The following LIPH variants were observed in gnomAD, a reference collection of about 807,000 sequenced individuals.
The protein encoded by LIPH is lipase member H.
LIPH carries 32 observed loss-of-function variants against 47.6 expected under a neutral mutation model. The observed-to-expected ratio is 0.67, with a 90% CI of 0.51 to 0.90. LIPH has a LOEUF of 0.90. Ranked by LOEUF, LIPH falls within the 40% of genes least tolerant of loss-of-function variation. LIPH has a pLI of 0.00. For missense variants in LIPH, 497 were observed against 541.4 expected, an observed-to-expected ratio of 0.92 and a Z score of 0.81; for synonymous variants, 190 against 195.6, an observed-to-expected ratio of 0.97 and a Z score of 0.24.
chr3:185,548,935 C>T (rs1720969276), intron 1 of LIPH, among the ~76,000 whole-genome samples: 1 of 151,884 alleles, frequency 6.6e-6, no homozygotes, highest in Non-Finnish European at 1.5e-5. Flanking sequence ...AGTTCAAGAC[C>T]AGCCTGGCCA....
intron 3 of LIPH, among the ~76,000 whole-genome samples, chr3:185,529,978 G>GAAAGAA (rs796497732): frequency 0.023 from 2,241 of 98,642 alleles, 82 homozygotes; most frequent in Middle Eastern, 0.03. Context: ...AAGAAAGAAA[G>GAAAGAA]AGAGAGAGAG....
intron 4 of LIPH, among the ~76,000 whole-genome samples, chr3:185,525,538 G>A (rs911487153): frequency 6.6e-6 from 1 of 151,900 alleles, no homozygotes; most frequent in Admixed American, 6.6e-5. Flanking sequence ...AGCACTTTGG[G>A]AGGCCAAGGC....
chr3:185,534,633 T>C (rs1213475423), intron 2 of LIPH, 132 bp downstream of exon 2: 2 of 850,242 alleles, frequency 2.4e-6, no homozygotes, highest in Admixed American at 2.1e-5. Flanking sequence ...CCACCTTCCC[T>C]GGGGCTTATT....
At chr3:185,509,497 G>A (rs773106975) in intron 9 of LIPH, among the ~76,000 whole-genome samples, 25 of 152,032 alleles carry the variant, frequency 1.6e-4, no homozygotes, top group Admixed American at 7.9e-4. Flanking sequence ...GGGCGTGGTC[G>A]CGTGTGCCTG....
At chr3:185,529,940 A>G (rs1190979315) in intron 3 of LIPH, among the ~76,000 whole-genome samples, 2 of 52,278 alleles carry the variant, frequency 3.8e-5, no homozygotes, top group Admixed American at 2.4e-4. Context: ...GAAAGAAAGA[A>G]AGAAAGAAAG....
intron 5 of LIPH, 105 bp downstream of exon 5, chr3:185,523,966 C>G: frequency 2.7e-6 from 2 of 747,394 alleles, no homozygotes; most frequent in Non-Finnish European, 4.8e-6. Flanking sequence ...AGGTGATCCA[C>G]CCGTCTCGGC....
intron 3 of LIPH, among the ~76,000 whole-genome samples, chr3:185,528,564 T>C (rs368346746): frequency 5.3e-5 from 8 of 152,280 alleles, no homozygotes; most frequent in African/African-American, 1.9e-4. Flanking sequence ...AGAGCCTTGA[T>C]CAGAACACAG....
At position 185,508,510 on chromosome 3, in the gene LIPH, A is replaced by G; in HGVS notation, c.*280T>C. The G allele has an allele frequency of 2.3e-6, 1 of 427,532 alleles. No individual in the cohort carries two copies. The highest frequency in any genetic ancestry group is 4.3e-6 in the Non-Finnish European group (1 of 230,830). 26.5% of individuals were successfully genotyped at this position (427,532 alleles called of 1,614,324 possible). On this transcript the variant is annotated 3_prime_UTR_variant, in exon 10 of 10. Transcript: ENST00000296252. ...CCGCGTGACAGGCAGCAGAATTGAC[A>G]GGTCGGAACAAGGGAGGCCCCAGGA...
intron 6 of LIPH, 36 bp from the exon 7 acceptor site, chr3:185,517,198 T>A: frequency 1.8e-6 from 2 of 1,126,382 alleles, no homozygotes; most frequent in Non-Finnish European, 2.7e-6. Context: ...AAGATTAATA[T>A]GTATTATACA....
At chr3:185,510,762 T>C (rs1560154089) in intron 9 of LIPH, among the ~76,000 whole-genome samples, 1 of 152,132 alleles carries the variant, frequency 6.6e-6, no homozygotes, top group Non-Finnish European at 1.5e-5. Flanking sequence ...ATACAAAAAT[T>C]AGCTGGGTGT....
chr3:185,522,072 C>T (rs1037015219), intron 5 of LIPH, among the ~76,000 whole-genome samples: 3 of 152,248 alleles, frequency 2.0e-5, no homozygotes, highest in African/African-American at 7.2e-5. Flanking sequence ...TGCTGGGCCC[C>T]TGTTGACTTC....
intron 3 of LIPH, among the ~76,000 whole-genome samples, chr3:185,528,466 C>T (rs772260982): frequency 1.1e-4 from 16 of 152,144 alleles, no homozygotes; most frequent in Non-Finnish European, 2.1e-4. Flanking sequence ...TATATGCTAG[C>T]CCCTTTGATC....
At chr3:185,524,252 A>C (rs1719995970) in intron 4 of LIPH, 92 bp from the exon 5 acceptor site, 1 of 775,982 alleles carries the variant, frequency 1.3e-6, no homozygotes, top group Non-Finnish European at 2.3e-6. Flanking sequence ...GAATTGTATT[A>C]TTATTGTTGT....
chr3:185,540,757 CT>C (rs1397320453), intron 1 of LIPH, among the ~76,000 whole-genome samples: 3 of 151,682 alleles, frequency 2.0e-5, no homozygotes, highest in African/African-American at 4.8e-5. Flanking sequence ...ATTTAAAATC[CT>C]TTTTCATGGA....
intron 4 of LIPH, among the ~76,000 whole-genome samples, chr3:185,525,583 GC>G (rs1465862919): frequency 2.6e-5 from 4 of 152,084 alleles, no homozygotes; most frequent in Non-Finnish European, 5.9e-5. Flanking sequence ...TTTGAGACCA[GC>G]CTGGGCAACA....
At position 185,547,072 on chromosome 3, in the gene LIPH, C is replaced by T. The variant is rs145952473; in HGVS notation, c.49+5351G>A. 3.1e-3 allele frequency: 925 copies of T among 296,800 alleles called. 8 individuals are homozygous for T. Among genetic ancestry groups the T allele is most frequent in the African/African-American group, 0.021 (869 of 41,824 alleles). 18.4% of individuals were successfully genotyped at this position (296,800 alleles called of 1,614,324 possible). The stretch of plus-strand genomic sequence containing the variant: ...GTGGGAATTGTTTGAACCCGGGAGG[C>T]GGAGGTTGCAGTGAGCCGAGATCAC... On this transcript the variant is annotated intron_variant, in intron 1 of 9. Transcript: ENST00000296252.
intron 1 of LIPH, among the ~76,000 whole-genome samples, chr3:185,547,950 C>T (rs535864384): frequency 1.2e-3 from 190 of 152,280 alleles, no homozygotes; most frequent in African/African-American, 4.1e-3. Flanking sequence ...GATACAAGCT[C>T]ATTACACGTT....
chr3:185,534,714 T>A (rs1163864898), intron 2 of LIPH, 51 bp downstream of exon 2: 2 of 1,600,610 alleles, frequency 1.2e-6, no homozygotes, highest in Non-Finnish European at 8.5e-7. Flanking sequence ...AGCCCTCAGA[T>A]AATGGGCCAG....
intron 3 of LIPH, among the ~76,000 whole-genome samples, chr3:185,528,379 C>T (rs967245822): frequency 3.3e-4 from 37 of 113,728 alleles, no homozygotes; most frequent in African/African-American, 1.2e-3. Context: ...ATCTTTATCC[C>T]ACTTTAGATG....
Sources: gnomAD v4.1 joint callset for allele counts (sites outside exome capture counted in the v4.1 genomes callset) on GRCh38, gnomAD v4.1.1 for gene constraint, MANE v1.5 for transcripts, NCBI Gene and HGNC (gene_info 2026-07-23, HGNC 2026-07-21) for gene names.